CFAP61: variants seen among roughly 807,000 people sequenced by gnomAD.
CFAP61 encodes the protein cilia- and flagella-associated protein 61.
CFAP61 carries 107 observed loss-of-function variants against 135.6 expected under a neutral mutation model. That is an observed-to-expected ratio of 0.79 (90% CI 0.67 to 0.93). The LOEUF is 0.93. Among genes scored for constraint, CFAP61 ranks in the 40% least tolerant of loss-of-function variants. The pLI is 0.00. For missense variants in CFAP61, 1,507 were observed against 1,556.2 expected (o/e 0.97, Z 0.53); for synonymous variants, 575 against 578.5 (o/e 0.99, Z 0.09).
chr20:20,208,072 T>A (rs1242598604), intron 17 of CFAP61, among the ~76,000 whole-genome samples: 1 of 152,224 alleles, frequency 6.6e-6, no homozygotes, highest in Non-Finnish European at 1.5e-5. Context: ...CTGTCCCGGA[T>A]GATCTCCTTT....
intron 19 of CFAP61, among the ~76,000 whole-genome samples, chr20:20,249,784 T>C (rs1206808672): frequency 6.6e-6 from 1 of 152,224 alleles, no homozygotes; most frequent in Non-Finnish European, 1.5e-5. Context: ...AGAGCCTTTA[T>C]CTTTGGGCAC....
chr20:20,158,658 A>G (rs890825623), intron 9 of CFAP61, among the ~76,000 whole-genome samples: 1 of 152,226 alleles, frequency 6.6e-6, no homozygotes, highest in Non-Finnish European at 1.5e-5. Flanking sequence ...AATAAATACT[A>G]TTTGATTTCA....
intron 2 of CFAP61, among the ~76,000 whole-genome samples, chr20:20,062,422 G>A (rs1355923831): frequency 1.3e-5 from 2 of 152,118 alleles, no homozygotes; most frequent in South Asian, 2.1e-4. Flanking sequence ...TATAACAGAA[G>A]AGAAGAAAGG....
At chr20:20,265,416 T>A in intron 21 of CFAP61, 1 of 779,814 alleles carries the variant, frequency 1.3e-6, no homozygotes, top group Non-Finnish European at 2.4e-6. Flanking sequence ...GGTTCTCAGA[T>A]GGAGGAAGAG....
chr20:20,289,969 T>C (rs572612103), intron 23 of CFAP61, among the ~76,000 whole-genome samples: 2 of 152,342 alleles, frequency 1.3e-5, no homozygotes, highest in Admixed American at 6.5e-5. Flanking sequence ...GTTTGCAACA[T>C]TTAAGGCTTC....
At chr20:20,203,133 C>T (rs540826107) in intron 17 of CFAP61, among the ~76,000 whole-genome samples, 4 of 152,066 alleles carry the variant, frequency 2.6e-5, no homozygotes, top group Admixed American at 1.3e-4. Flanking sequence ...ACACCTTCCC[C>T]GTCGTTTCTA....
intron 19 of CFAP61, among the ~76,000 whole-genome samples, 159 bp from the exon 20 acceptor site, chr20:20,251,432 CTAAG>C (rs1192781827): frequency 6.7e-6 from 1 of 148,588 alleles, no homozygotes; most frequent in Non-Finnish European, 1.5e-5. Flanking sequence ...CAATTTGTAA[CTAAG>C]TGTTTCATAA....
intron 21 of CFAP61, among the ~76,000 whole-genome samples, chr20:20,269,688 T>A (rs1420980184): frequency 6.6e-6 from 1 of 152,218 alleles, no homozygotes; most frequent in Non-Finnish European, 1.5e-5. Flanking sequence ...TTAATGAGTG[T>A]TTATTTCACA....
chr20:20,355,821 A>G (rs1273682457), intron 26 of CFAP61, among the ~76,000 whole-genome samples: 24 of 129,254 alleles, frequency 1.9e-4, no homozygotes, highest in East Asian at 1.2e-3. Flanking sequence ...CTGTGAGCAG[A>G]GATGGTCACA....
chr20:20,294,040 T>A (rs1314913592), intron 24 of CFAP61, among the ~76,000 whole-genome samples: 1 of 152,214 alleles, frequency 6.6e-6, no homozygotes, highest in Non-Finnish European at 1.5e-5. Context: ...CACATCAGAA[T>A]CAGTGACTCC....
chr20:20,148,166 A>G (rs1023120498), intron 9 of CFAP61, among the ~76,000 whole-genome samples: 4 of 152,220 alleles, frequency 2.6e-5, no homozygotes, highest in African/African-American at 4.8e-5. Context: ...CTTGTAGTAT[A>G]GTTTGAAGTC....
At chr20:20,276,567 T>G (rs1049724535) in intron 21 of CFAP61, among the ~76,000 whole-genome samples, 5 of 152,210 alleles carry the variant, frequency 3.3e-5, no homozygotes, top group Admixed American at 6.5e-5. Context: ...GATTTTATTT[T>G]TGCTAACAAA....
chr20:20,244,489 C>T (rs1019101301), intron 18 of CFAP61, among the ~76,000 whole-genome samples: 1 of 152,212 alleles, frequency 6.6e-6, no homozygotes, highest in African/African-American at 2.4e-5. Flanking sequence ...CTGAGCTCTA[C>T]ATTAGCCTCT....
At chr20:20,301,835 A>G (rs913083741) in intron 25 of CFAP61, among the ~76,000 whole-genome samples, 1 of 152,134 alleles carries the variant, frequency 6.6e-6, no homozygotes, top group African/African-American at 2.4e-5. Flanking sequence ...AATATTCTTA[A>G]TTTAATAGAA....
chr20:20,288,897 G>T lies in CFAP61; in HGVS notation c.3085G>T (p.Asp1029Tyr). 1 of 1,612,868 alleles carries T rather than the reference G, an allele frequency of 6.2e-7. No homozygotes were observed. The change falls in exon 23 of 27, where the codon GAC becomes TAC. Residue 1029 changes from aspartate to tyrosine, a missense_variant. Physicochemically the swap from Asp to Tyr is radical, Grantham distance 160. Coordinates refer to ENST00000245957, the MANE Select transcript of CFAP61 (RefSeq NM_015585.4). Reference protein sequence around the residue: ...EPVTEPPANLDRLIPMYKGAK... With the variant: ...EPVTEPPANLYRLIPMYKGAK... ...TGTGACCGAGCCACCAGCTAATCTTGACCGGCTCATCCCCATGTACAAGGG... is the reference window on the plus strand; with the variant it reads ...TGTGACCGAGCCACCAGCTAATCTTTACCGGCTCATCCCCATGTACAAGGG...
chr20:20,086,170 T>TTTA (rs916844595), intron 6 of CFAP61, among the ~76,000 whole-genome samples: 1 of 149,764 alleles, frequency 6.7e-6, no homozygotes, highest in Non-Finnish European at 1.5e-5. Flanking sequence ...TCTTTCAAAT[T>TTTA]TTATTATTAT....
chr20:20,219,784 CTT>C (rs1024484303), intron 17 of CFAP61, among the ~76,000 whole-genome samples: 2 of 152,116 alleles, frequency 1.3e-5, no homozygotes, highest in African/African-American at 4.8e-5. Flanking sequence ...GTATTATAAA[CTT>C]ATATATGCTA....
chr20:20,258,346 C>G (rs971230036), intron 20 of CFAP61: 1 of 152,050 alleles, frequency 6.6e-6, no homozygotes, highest in Non-Finnish European at 1.5e-5. Context: ...AGGTCATGAA[C>G]TTTTTACCTG....
At chr20:20,238,046 T>A (rs146281513) in intron 18 of CFAP61, among the ~76,000 whole-genome samples, 5 of 152,198 alleles carry the variant, frequency 3.3e-5, no homozygotes, top group Non-Finnish European at 7.4e-5. Context: ...TTTTTTAAAA[T>A]AAACAAATTA....
Sources: allele counts gnomAD v4.1 joint callset (sites outside exome capture counted in the v4.1 genomes callset), GRCh38; gene constraint gnomAD v4.1.1; transcripts MANE v1.5; gene names NCBI Gene and HGNC (gene_info 2026-07-23, HGNC 2026-07-21).